PACRG: variants seen among roughly 807,000 people sequenced by gnomAD.
PACRG encodes parkin coregulated gene protein.
PACRG carries 29 observed loss-of-function variants against 29.7 expected under a neutral mutation model. The observed-to-expected ratio is 0.98, with a 90% confidence interval of 0.73 to 1.33. PACRG has a LOEUF of 1.33. PACRG is among the 40% of genes most tolerant of loss of function. The pLI is 0.00. For missense variants in PACRG, 279 were observed against 316.2 expected (o/e 0.88, Z 0.89); for synonymous variants, 116 against 118.7 (o/e 0.98, Z 0.15).
At chr6:162,959,604 G>A (rs1562780790) in intron 2 of PACRG, among the ~76,000 whole-genome samples, 3 of 152,174 alleles carry the variant, frequency 2.0e-5, no homozygotes, top group Admixed American at 6.5e-5. Context: ...TAGGGTTTCA[G>A]CATTGGAATA....
intron 2 of PACRG, among the ~76,000 whole-genome samples, chr6:162,823,637 G>A (rs1400921252): frequency 2.6e-5 from 4 of 151,022 alleles, no homozygotes; most frequent in Admixed American, 1.3e-4. Flanking sequence ...TCAGCCTCCC[G>A]AGTAGCTGGG....
intron 2 of PACRG, among the ~76,000 whole-genome samples, chr6:162,852,001 GAGGGAGGA>G (rs200288477): frequency 0.013 from 1,285 of 100,030 alleles, 7 homozygotes; most frequent in Middle Eastern, 0.036. Flanking sequence ...GGGAGGGAGG[GAGGGAGGA>G]AGGAAGGAAG....
intron 4 of PACRG, among the ~76,000 whole-genome samples, chr6:163,254,946 A>G (rs942598862): frequency 1.3e-5 from 2 of 152,214 alleles, no homozygotes; most frequent in Non-Finnish European, 2.9e-5. Context: ...TTTCTAATCA[A>G]CTATTTAATT....
intron 2 of PACRG, among the ~76,000 whole-genome samples, chr6:162,898,133 T>C (rs1230411724): frequency 3.3e-5 from 5 of 152,226 alleles, no homozygotes; most frequent in Non-Finnish European, 7.3e-5. Context: ...ACCACTGAAC[T>C]GTAGGCAGCT....
At position 162,888,070 on chromosome 6, in the gene PACRG, G is replaced by A. The variant is rs531575168; in HGVS notation, c.291+73789G>A. 2.8e-3 allele frequency among the ~76,000 whole-genome samples: 425 copies of A among 152,160 alleles called. 1 individual carries two copies. Among genetic ancestry groups the A allele is most frequent in the African/African-American group, 9.8e-3 (408 of 41,510 alleles). On this transcript the variant is annotated intron_variant, in intron 2 of 4. Coordinates refer to ENST00000366888, the MANE Select transcript of PACRG (RefSeq NM_001080379.2). ...GCAGCCTCAGGAGGAGATGAACGTC[G>A]TGTCCTCATATGCTGGTGAGCATGG... is the stretch of plus-strand genomic sequence containing the variant.
intron 4 of PACRG, among the ~76,000 whole-genome samples, chr6:163,154,328 G>T (rs994584761): frequency 5.3e-5 from 8 of 152,344 alleles, no homozygotes; most frequent in Middle Eastern, 6.8e-3. Context: ...TGAGGAAAAT[G>T]GCCAGCAGTT....
rs576514762 is a variant in PACRG, at chr6:162,777,158, G to A, written c.157-36989G>A. On this transcript the variant is annotated intron_variant, in intron 1 of 4. Transcript: ENST00000366888. This position sits in a 1 kb window ranked among gnomAD's most constrained non-coding sequence, Gnocchi z 4.0. The stretch of plus-strand genomic sequence containing the variant: ...TGGGTGAATGTTCTGTCGCACACTT[G>A]CACAAACCCTGATCTCTCTTCAGGG... Among the ~76,000 whole-genome samples, 124 of 152,314 alleles carry A rather than the reference G, an allele frequency of 8.1e-4. No individual in the cohort carries two copies. In the Middle Eastern group the frequency reaches 0.01, roughly 13 times the overall value.
chr6:162,890,784 T>C (rs983702223), intron 2 of PACRG, among the ~76,000 whole-genome samples: 1 of 152,112 alleles, frequency 6.6e-6, no homozygotes, highest in Non-Finnish European at 1.5e-5. Flanking sequence ...GGGTGGAAAC[T>C]GTTGAAAGCC....
chr6:163,312,230 A>G (rs1785449698), intron 4 of PACRG, among the ~76,000 whole-genome samples: 1 of 152,208 alleles, frequency 6.6e-6, no homozygotes, highest in Admixed American at 6.5e-5. Flanking sequence ...GGGCACACAA[A>G]GATGAGCCCA....
chr6:163,164,216 TTC>T (rs1778693890), intron 4 of PACRG, among the ~76,000 whole-genome samples: 1 of 152,214 alleles, frequency 6.6e-6, no homozygotes. Context: ...TAGTATTTGT[TTC>T]TGTTTTCACT....
At chr6:162,997,596 T>C (rs1562816368) in intron 2 of PACRG, 1 of 311,746 alleles carries the variant, frequency 3.2e-6, no homozygotes, top group Non-Finnish European at 6.3e-6. Flanking sequence ...CAATTTGACA[T>C]AGGTCTTGAA....
At position 163,256,531 on chromosome 6, in the gene PACRG, G is replaced by A. The variant is rs555557235; in HGVS notation, c.614-58296G>A. ...TGCAACCTAAAGCCAGGTGGTTAGG[G>A]AAGGCCTTACCAAGAAGGGGACATT... On this transcript the variant is annotated intron_variant, in intron 4 of 4. Coordinates refer to ENST00000366888, the MANE Select transcript of PACRG (RefSeq NM_001080379.2). 5.7e-4 allele frequency among the ~76,000 whole-genome samples: 87 copies of A among 152,346 alleles called. 2 individuals are homozygous for A. The highest frequency in any genetic ancestry group is 1.9e-3 in the African/African-American group (80 of 41,592).
At chr6:163,110,132 A>G (rs542556913) in intron 4 of PACRG, among the ~76,000 whole-genome samples, 1 of 152,330 alleles carries the variant, frequency 6.6e-6, no homozygotes, top group East Asian at 1.9e-4. Flanking sequence ...TCCAACTGAG[A>G]AAGGGCAGAG....
intron 4 of PACRG, among the ~76,000 whole-genome samples, chr6:163,145,964 A>G (rs377170499): frequency 2.0e-4 from 30 of 152,148 alleles, no homozygotes; most frequent in African/African-American, 6.8e-4. Flanking sequence ...TCTAACATGT[A>G]TTAAGTCTCT....
intron 2 of PACRG, among the ~76,000 whole-genome samples, chr6:162,911,857 C>T (rs1796326111): frequency 6.6e-6 from 1 of 152,134 alleles, no homozygotes; most frequent in Admixed American, 6.5e-5. Context: ...GGGAAAGATT[C>T]CTTAACTCTG....
chr6:163,015,384 A>G (rs571213383), intron 2 of PACRG, among the ~76,000 whole-genome samples: 1 of 152,338 alleles, frequency 6.6e-6, no homozygotes, highest in South Asian at 2.1e-4. Context: ...CAATTCTGTG[A>G]AAAACGACAT....
intron 2 of PACRG, chr6:163,042,934 T>C (rs1198760118): frequency 1.3e-5 from 2 of 152,196 alleles, no homozygotes; most frequent in African/African-American, 4.8e-5. Context: ...CAAAATGCAT[T>C]TAGAAGTACA....
chr6:163,048,275 C>G (rs577129139), intron 2 of PACRG, among the ~76,000 whole-genome samples: 2 of 152,256 alleles, frequency 1.3e-5, no homozygotes, highest in South Asian at 4.1e-4. Flanking sequence ...GGGAATAATC[C>G]TAAAGTTCAC....
chr6:162,835,614 G>A (rs1223428841), intron 2 of PACRG, among the ~76,000 whole-genome samples: 2 of 152,006 alleles, frequency 1.3e-5, no homozygotes, highest in Non-Finnish European at 2.9e-5. Flanking sequence ...CATGCATCTC[G>A]ACAATGAAAA....
Sources: gnomAD v4.1 joint callset for allele counts (sites outside exome capture counted in the v4.1 genomes callset) on GRCh38, gnomAD v4.1.1 for gene constraint, Gnocchi (gnomAD v3.1) non-coding constraint, MANE v1.5 for transcripts, NCBI Gene and HGNC (gene_info 2026-07-23, HGNC 2026-07-21) for gene names.